Variants in VTI1A observed in about 807,000 individuals in gnomAD.
VTI1A encodes the protein vesicle transport through interaction with t-SNAREs homolog 1A.
A neutral mutation model predicts 34.9 loss-of-function variants in VTI1A; 22 were observed. The observed-to-expected ratio is 0.63, with a 90% CI of 0.45 to 0.90. VTI1A has a LOEUF of 0.90. VTI1A is among the 40% of genes least tolerant of loss of function. The pLI, the probability that VTI1A is intolerant of heterozygous loss-of-function variation, is 0.00. For missense variants in VTI1A, 268 were observed against 275.6 expected (o/e 0.97, Z 0.20); for synonymous variants, 87 against 97.3 (o/e 0.89, Z 0.62).
intron 7 of VTI1A, among the ~76,000 whole-genome samples, chr10:112,721,488 A>T (rs1849805635): frequency 6.6e-6 from 1 of 152,216 alleles, no homozygotes; most frequent in African/African-American, 2.4e-5. Flanking sequence ...TTTTAATTTG[A>T]TGCTCACAAT....
intron 7 of VTI1A, among the ~76,000 whole-genome samples, chr10:112,690,579 T>G (rs978013584): frequency 6.6e-6 from 1 of 152,160 alleles, no homozygotes; most frequent in African/African-American, 2.4e-5. Flanking sequence ...TATAGCAGGG[T>G]GTGACAGTTA....
rs1414654956 is a variant in VTI1A, at chr10:112,547,171, T to C, written c.427+8841T>C. ...GGCATGTGCCTGTAGTCCCAGCTAC[T>C]TGGGAGGCTGAGGTGGGAGGATGAC... is the stretch of plus-strand genomic sequence containing the variant. On this transcript the variant is annotated intron_variant, in intron 5 of 7. Coordinates refer to ENST00000393077, the MANE Select transcript of VTI1A (RefSeq NM_145206.4). Among the ~76,000 whole-genome samples, 3 of 152,066 alleles carry C rather than the reference T, an allele frequency of 2.0e-5. No individual in the cohort carries two copies. The East Asian group carries it at 5.8e-4, about 30-fold the overall frequency.
At chr10:112,776,411 G>A (rs1396361474) in intron 7 of VTI1A, among the ~76,000 whole-genome samples, 1 of 152,160 alleles carries the variant, frequency 6.6e-6, no homozygotes, top group Non-Finnish European at 1.5e-5. Flanking sequence ...GCAGGGGAGT[G>A]CAGAAACAGG....
chr10:112,637,070 A>G (rs1399145806), intron 5 of VTI1A, among the ~76,000 whole-genome samples: 2 of 152,236 alleles, frequency 1.3e-5, no homozygotes, highest in Non-Finnish European at 2.9e-5. Flanking sequence ...AAATAATGAC[A>G]TGAAGGCTTT....
At chr10:112,645,542 G>C (rs1256456986) in intron 5 of VTI1A, among the ~76,000 whole-genome samples, 1 of 152,182 alleles carries the variant, frequency 6.6e-6, no homozygotes, top group Non-Finnish European at 1.5e-5. Context: ...ACATGGTCTT[G>C]AACTTCCTGC....
intron 3 of VTI1A, among the ~76,000 whole-genome samples, chr10:112,474,148 G>A (rs957092324): frequency 2.6e-5 from 4 of 151,692 alleles, no homozygotes; most frequent in Non-Finnish European, 5.9e-5. Flanking sequence ...TGCAAGCTCC[G>A]CCTCCCGGGC....
chr10:112,447,481 C>G lies in VTI1A; in HGVS notation c.94+14C>G. On this transcript the variant is annotated intron_variant, in intron 1 of 7. Coordinates refer to ENST00000393077, the MANE Select transcript of VTI1A (RefSeq NM_145206.4). Reference sequence around the variant, plus strand: ...GACTCCCGCCTGGTGAGAGCCTTGCCCGGCTGGACGAGGGTGCTGGGGAGA... The same window carrying G: ...GACTCCCGCCTGGTGAGAGCCTTGCGCGGCTGGACGAGGGTGCTGGGGAGA... The G allele has an allele frequency of 6.2e-7, 1 of 1,612,264 alleles. No individual in the cohort carries two copies. Among genetic ancestry groups the G allele is most frequent in the Non-Finnish European group, 8.5e-7 (1 of 1,179,460 alleles).
chr10:112,463,739 A>G (rs1373314515), intron 2 of VTI1A, among the ~76,000 whole-genome samples: 1 of 152,184 alleles, frequency 6.6e-6, no homozygotes, highest in Non-Finnish European at 1.5e-5. Flanking sequence ...GGGAGTTAGG[A>G]TGAAGGTAAA....
chr10:112,730,012 G>C (rs1850192336), intron 7 of VTI1A, among the ~76,000 whole-genome samples: 1 of 152,206 alleles, frequency 6.6e-6, no homozygotes, highest in Admixed American at 6.5e-5. Context: ...CTCCCCAGCA[G>C]CAACACCTGG....
At chr10:112,807,456 C>G (rs1034438262) in intron 7 of VTI1A, among the ~76,000 whole-genome samples, 5 of 152,290 alleles carry the variant, frequency 3.3e-5, no homozygotes, top group Admixed American at 3.3e-4. Context: ...CAACATCATT[C>G]CAGTCTCTGC....
At chr10:112,774,133 C>T (rs1048994234) in intron 7 of VTI1A, among the ~76,000 whole-genome samples, 8 of 152,100 alleles carry the variant, frequency 5.3e-5, no homozygotes, top group Non-Finnish European at 8.8e-5. Context: ...TGGAATGTTT[C>T]GATGTGGAGG....
At chr10:112,556,998 A>G (rs1851564226) in intron 5 of VTI1A, among the ~76,000 whole-genome samples, 2 of 152,068 alleles carry the variant, frequency 1.3e-5, no homozygotes, top group South Asian at 4.1e-4. Flanking sequence ...TTATTTGAAA[A>G]TCTCAATATT....
chr10:112,474,760 A>C (rs1399661187), intron 3 of VTI1A, among the ~76,000 whole-genome samples: 1 of 152,156 alleles, frequency 6.6e-6, no homozygotes, highest in African/African-American at 2.4e-5. Context: ...CCTGGCCTGC[A>C]TTCAGTTTCT....
At chr10:112,723,899 A>G (rs1201695131) in intron 7 of VTI1A, among the ~76,000 whole-genome samples, 1 of 152,244 alleles carries the variant, frequency 6.6e-6, no homozygotes, top group Non-Finnish European at 1.5e-5. Context: ...TCTAGCACAC[A>G]GATTCTATCA....
chr10:112,589,397 G>A (rs894042690), intron 5 of VTI1A, among the ~76,000 whole-genome samples: 3 of 151,710 alleles, frequency 2.0e-5, no homozygotes, highest in Non-Finnish European at 2.9e-5. Context: ...TATGTGAGAC[G>A]TGCCTTTCAC....
In VTI1A at chr10:112,571,498, C is replaced by T. The variant is rs188770303; in HGVS notation, c.427+33168C>T. Among the ~76,000 whole-genome samples, 40 of 152,158 alleles carry T rather than the reference C, an allele frequency of 2.6e-4. No homozygotes were observed. The East Asian group carries it at 5.0e-3, about 19-fold the overall frequency. ...AAAGTCAAAAAATAACAGATATTGG[C>T]GATGCTATGGAGAAAAGGGACACTT... On this transcript the variant is annotated intron_variant, in intron 5 of 7. Coordinates refer to ENST00000393077, the MANE Select transcript of VTI1A (RefSeq NM_145206.4).
chr10:112,602,648 A>T (rs1039637538), intron 5 of VTI1A, among the ~76,000 whole-genome samples: 13 of 152,210 alleles, frequency 8.5e-5, no homozygotes, highest in African/African-American at 1.2e-4. Flanking sequence ...ATTGTGATGG[A>T]CTTAGAATTG....
At chr10:112,518,589 C>CTCTCTA (rs1475485810) in intron 3 of VTI1A, among the ~76,000 whole-genome samples, 5 of 94,336 alleles carry the variant, frequency 5.3e-5, no homozygotes, top group South Asian at 3.9e-4. Context: ...CTCTCTCTCT[C>CTCTCTA]TATATATATA....
At chr10:112,697,256 CTG>C (rs1268483847) in intron 7 of VTI1A, among the ~76,000 whole-genome samples, 2 of 151,126 alleles carry the variant, frequency 1.3e-5, no homozygotes, top group Non-Finnish European at 3.0e-5. Context: ...TGCAATGGCG[CTG>C]TCTCGGCACT....
Sources: allele counts gnomAD v4.1 joint callset (sites outside exome capture counted in the v4.1 genomes callset), GRCh38; gene constraint gnomAD v4.1.1; transcripts MANE v1.5; gene names NCBI Gene and HGNC (gene_info 2026-07-23, HGNC 2026-07-21).